The following HS6ST3 variants were observed in gnomAD, a reference collection of about 807,000 sequenced individuals.
HS6ST3 encodes heparan sulfate 6-O-sulfotransferase 3, also known as heparan-sulfate 6-O-sulfotransferase 3.
Under a neutral mutation model 36.7 loss-of-function variants are expected in HS6ST3, and 12 were observed. The ratio of observed to expected loss-of-function variants is 0.33; its 90% CI spans 0.21 to 0.53. The LOEUF (loss-of-function observed/expected upper bound fraction) is 0.53, where lower values mean the gene tolerates loss of function less well. Among genes scored for constraint, HS6ST3 ranks in the 20% least tolerant of loss-of-function variants. HS6ST3 has a pLI of 0.95. For synonymous variants in HS6ST3, 240 were observed against 257.5 expected (o/e 0.93, Z 0.65); for missense variants, 584 against 640.9 (o/e 0.91, Z 0.96).
At chr13:96,280,151 G>A (rs190228415) in intron 1 of HS6ST3, among the ~76,000 whole-genome samples, 71 of 152,132 alleles carry the variant, frequency 4.7e-4, no homozygotes, top group Admixed American at 1.4e-3. Flanking sequence ...ATTAGCTCCT[G>A]GATGGTTCTG....
At chr13:96,514,358 T>A (rs1281264516) in intron 1 of HS6ST3, among the ~76,000 whole-genome samples, 1 of 152,208 alleles carries the variant, frequency 6.6e-6, no homozygotes, top group African/African-American at 2.4e-5. Flanking sequence ...TTCAAGGTTT[T>A]TCTCGCTCTG....
chr13:96,816,267 G>A (rs913203738), intron 1 of HS6ST3, among the ~76,000 whole-genome samples: 4 of 152,212 alleles, frequency 2.6e-5, no homozygotes, highest in Non-Finnish European at 4.4e-5. Context: ...AAATTCTAAA[G>A]AGAAATGACT....
rs149193192 is a variant in HS6ST3 at position 96,534,696 on chromosome 13, C to T, written c.708-297794C>T. ...AGAAGAGGCCGGGCACGGTGGCACA[C>T]GCCTGTAATCCCAGTGCTTTGGGAG... On this transcript the variant is annotated intron_variant, in intron 1 of 1. Coordinates refer to ENST00000376705, the MANE Select transcript of HS6ST3 (RefSeq NM_153456.4). Among the ~76,000 whole-genome samples, 51 of 152,210 alleles carry T rather than the reference C, an allele frequency of 3.4e-4. 1 individual carries two copies. In the East Asian group the frequency reaches 8.7e-3, roughly 26 times the overall value.
intron 1 of HS6ST3, chr13:96,573,944 T>G (rs2056310714): frequency 1.5e-5 from 8 of 533,794 alleles, no homozygotes; most frequent in Non-Finnish European, 3.0e-5. Context: ...TGCACAGATG[T>G]GCTGCTACTG....
intron 1 of HS6ST3, among the ~76,000 whole-genome samples, chr13:96,511,684 A>G (rs1193148880): frequency 6.6e-6 from 1 of 150,652 alleles, no homozygotes; most frequent in East Asian, 1.9e-4. Flanking sequence ...TTGTTTGTCT[A>G]TTAACTTTGC....
intron 1 of HS6ST3, among the ~76,000 whole-genome samples, chr13:96,301,272 C>A (rs374569418): frequency 6.6e-6 from 1 of 152,136 alleles, no homozygotes; most frequent in Non-Finnish European, 1.5e-5. Flanking sequence ...ATCTTATATA[C>A]CTTGGTCTGA....
intron 1 of HS6ST3, among the ~76,000 whole-genome samples, chr13:96,786,715 CTT>C (rs1170541053): frequency 6.6e-6 from 1 of 152,048 alleles, no homozygotes; most frequent in East Asian, 1.9e-4. Flanking sequence ...TTGTAAAAGA[CTT>C]AATTTTTAAA....
At chr13:96,299,544 A>C (rs1039864890) in intron 1 of HS6ST3, among the ~76,000 whole-genome samples, 1 of 152,164 alleles carries the variant, frequency 6.6e-6, no homozygotes, top group African/African-American at 2.4e-5. Flanking sequence ...AGAGTGGGAA[A>C]AGCACAATAG....
intron 1 of HS6ST3, among the ~76,000 whole-genome samples, chr13:96,567,659 A>G (rs190487510): frequency 2.6e-5 from 4 of 152,366 alleles, no homozygotes; most frequent in Admixed American, 2.6e-4. Flanking sequence ...CTCCATAAAA[A>G]TAAAAAACAT....
At chr13:96,816,382 C>T (rs902919185) in intron 1 of HS6ST3, among the ~76,000 whole-genome samples, 12 of 152,308 alleles carry the variant, frequency 7.9e-5, no homozygotes, top group African/African-American at 2.9e-4. Flanking sequence ...TTTACATCAA[C>T]GTTTGGTTCA....
rs186397791 is a variant in HS6ST3, at chr13:96,203,627, G to A, written c.707+112058G>A. Among the ~76,000 whole-genome samples the A allele has an allele frequency of 9.1e-4, 139 of 152,192 alleles. 1 individual carries two copies. The highest frequency in any genetic ancestry group is 7.6e-4 in the Non-Finnish European group (52 of 68,016). On this transcript the variant is annotated intron_variant, in intron 1 of 1. Coordinates refer to ENST00000376705, the MANE Select transcript of HS6ST3 (RefSeq NM_153456.4). ...AGAGCCTCACACCCCCTTCTTACTTGGACTCCTTTCTGTGAGCTGACTGTT... is the reference window on the plus strand; with the variant it reads ...AGAGCCTCACACCCCCTTCTTACTTAGACTCCTTTCTGTGAGCTGACTGTT...
chr13:96,171,601 GTGGTTTT>G (rs1282046915), intron 1 of HS6ST3, among the ~76,000 whole-genome samples: 3 of 152,170 alleles, frequency 2.0e-5, no homozygotes, highest in African/African-American at 7.2e-5. Context: ...ATGCAGTATT[GTGGTTTT>G]TCTCTAACTC....
intron 1 of HS6ST3, among the ~76,000 whole-genome samples, chr13:96,617,683 C>G (rs1332901684): frequency 2.0e-5 from 3 of 152,186 alleles, no homozygotes; most frequent in Non-Finnish European, 4.4e-5. Context: ...CTCAGTTTCT[C>G]TAGGTCAGTG....
chr13:96,817,053 C>G (rs1878436021), intron 1 of HS6ST3, among the ~76,000 whole-genome samples: 1 of 152,162 alleles, frequency 6.6e-6, no homozygotes, highest in African/African-American at 2.4e-5. Context: ...TAAACACCAT[C>G]AGCACCATCA....
intron 1 of HS6ST3, among the ~76,000 whole-genome samples, chr13:96,297,325 T>C (rs888393264): frequency 1.3e-5 from 2 of 152,164 alleles, no homozygotes; most frequent in African/African-American, 4.8e-5. Flanking sequence ...GAGGTGGTTT[T>C]CTTTCCTCCT....
In HS6ST3 at chr13:96,112,613, A is replaced by ATG. The variant is rs1566884950; in HGVS notation, c.707+21045_707+21046insGT. Among the ~76,000 whole-genome samples, 75 of 110,728 alleles carry ATG rather than the reference A, an allele frequency of 6.8e-4. 1 individual carries two copies. The highest frequency in any genetic ancestry group is 2.4e-3 in the African/African-American group (72 of 30,416). 72.6% of individuals were successfully genotyped at this position (110,728 alleles called of 152,430 possible). On this transcript the variant is annotated intron_variant, in intron 1 of 1. Transcript: ENST00000376705. ...TATATATATATATATATATATATATATATATATATGCCCGGCTGGTGGTGT... is the reference window on the plus strand; with the variant it reads ...TATATATATATATATATATATATATATGTATATATATGCCCGGCTGGTGGTGT...
At chr13:96,471,511 T>C (rs753804456) in intron 1 of HS6ST3, among the ~76,000 whole-genome samples, 4 of 152,114 alleles carry the variant, frequency 2.6e-5, no homozygotes, top group Non-Finnish European at 5.9e-5. Flanking sequence ...TGTATGTCTA[T>C]TTCAATGCTT....
chr13:96,589,121 T>G (rs187732149), intron 1 of HS6ST3, among the ~76,000 whole-genome samples: 8 of 152,076 alleles, frequency 5.3e-5, no homozygotes, highest in Non-Finnish European at 1.0e-4. Context: ...AAGAATTGTT[T>G]TTAGTTCTTC....
chr13:96,651,569 A>G (rs2056607744), intron 1 of HS6ST3, among the ~76,000 whole-genome samples: 1 of 151,926 alleles, frequency 6.6e-6, no homozygotes, highest in Non-Finnish European at 1.5e-5. Context: ...GTATTTCCCT[A>G]TTGGCTTGCA....
Sources: gnomAD v4.1 joint callset for allele counts (sites outside exome capture counted in the v4.1 genomes callset) on GRCh38, gnomAD v4.1.1 for gene constraint, MANE v1.5 for transcripts, NCBI Gene and HGNC (gene_info 2026-07-23, HGNC 2026-07-21) for gene names.